The following ARL5A variants were observed in gnomAD, a reference collection of about 807,000 sequenced individuals.
The protein encoded by ARL5A is ARF like GTPase 5A, also known as ADP-ribosylation factor-like protein 5A.
ARL5A carries 18 observed loss-of-function variants against 25.9 expected under a neutral mutation model. The ratio of observed to expected loss-of-function variants is 0.69; its 90% CI spans 0.48 to 1.03. The LOEUF is 1.03. Among genes scored for constraint, ARL5A ranks in the 50% least tolerant of loss-of-function variants. The pLI, the probability that ARL5A is intolerant of heterozygous loss-of-function variation, is 0.00. For synonymous variants in ARL5A, 61 were observed against 67.5 expected (o/e 0.90, Z 0.47); for missense variants, 170 against 211.9 (o/e 0.80, Z 1.23).
intron 1 of ARL5A, chr2:151,827,398 ATATGG>A (rs1323383288): frequency 9.9e-5 from 15 of 152,270 alleles, no homozygotes; most frequent in African/African-American, 3.6e-4. Flanking sequence ...CAAATGTTTC[ATATGG>A]TATGTTTTTA....
At chr2:151,819,459 AT>A (rs201257589) in intron 1 of ARL5A, among the ~76,000 whole-genome samples, 1,524 of 151,726 alleles carry the variant, frequency 0.01, 24 homozygotes, top group African/African-American at 0.036. Flanking sequence ...AATGAGTGCC[AT>A]TTTTTTTTTG....
chr2:151,817,183 G>C (rs377072675), intron 1 of ARL5A, among the ~76,000 whole-genome samples: 32 of 152,216 alleles, frequency 2.1e-4, no homozygotes, highest in African/African-American at 7.0e-4. Context: ...CTCCATTTAG[G>C]GAATTAGACC....
Position 151,815,124 on chromosome 2 carries a change from AT to A in ARL5A, c.107+14del. The A allele has an allele frequency of 6.4e-7, 1 of 1,573,498 alleles. No homozygotes were observed. The highest frequency in any genetic ancestry group is 2.3e-5 in the East Asian group (1 of 44,300). ...AACTAGAAATAAAATAATTTTTAAAATAGTTAATACTTACAATTGGTAAAGA... is the reference window on the plus strand; with the variant it reads ...AACTAGAAATAAAATAATTTTTAAAAAGTTAATACTTACAATTGGTAAAGA... On this transcript the variant is annotated intron_variant, in intron 2 of 5. Coordinates refer to ENST00000295087, the MANE Select transcript of ARL5A (RefSeq NM_012097.4).
chr2:151,810,515 CT>C (rs921644860), intron 4 of ARL5A: 1 of 423,660 alleles, frequency 2.4e-6, no homozygotes, highest in Non-Finnish European at 4.8e-6. Context: ...CTCATTCAGT[CT>C]CCTTTCACTT....
chr2:151,815,052 A>T (rs2099831320), intron 2 of ARL5A, 87 bp downstream of exon 2: 16 of 999,556 alleles, frequency 1.6e-5, no homozygotes, highest in South Asian at 1.5e-4. Context: ...GTTTCATGTA[A>T]TTTCTTACTG....
chr2:151,798,905 A>C lies in ARL5A; in HGVS notation c.*4371T>G, dbSNP rs995914554. 3 of 152,118 alleles carry C rather than the reference A, an allele frequency of 2.0e-5. No individual in the cohort carries two copies. Among genetic ancestry groups the C allele is most frequent in the African/African-American group, 7.2e-5 (3 of 41,408 alleles). The allele number at this position is 152,118 out of a possible 1,614,324, so 9.4% of individuals were successfully genotyped here. ...TGGGAATTTTCTACCAAAGAACAGG[A>C]TATCTAGCAAGCAACAGCATAAAGA... On this transcript the variant is annotated 3_prime_UTR_variant, in exon 6 of 6. Transcript: ENST00000295087.
chr2:151,828,197 C>G lies in ARL5A; in HGVS notation c.-21G>C, dbSNP rs139927177. The G allele has an allele frequency of 6.0e-5, 97 of 1,605,468 alleles. No homozygotes were observed. The African/African-American group carries it at 9.0e-4, about 15-fold the overall frequency. ...CCCATTCTCGGGCAGCGGACCCCCC[C>G]CCTCCAGACACCCGGGCCGCCTGGC... On this transcript the variant is annotated 5_prime_UTR_variant, in exon 1 of 6. Transcript: ENST00000295087.
Position 151,819,125 on chromosome 2 carries a change from T to C in ARL5A, c.47-3926A>G, listed in dbSNP as rs917216516. 2.0e-5 allele frequency among the ~76,000 whole-genome samples: 3 copies of C among 152,184 alleles called. No homozygotes were observed. The East Asian group carries it at 5.8e-4, about 29-fold the overall frequency. ...AAAACATAGGCAAGAATCTATAATATATAACAATAAAGAATGACTAAAAAA... is the reference window on the plus strand; with the variant it reads ...AAAACATAGGCAAGAATCTATAATACATAACAATAAAGAATGACTAAAAAA... On this transcript the variant is annotated intron_variant, in intron 1 of 5. Coordinates refer to ENST00000295087, the MANE Select transcript of ARL5A (RefSeq NM_012097.4).
intron 1 of ARL5A, among the ~76,000 whole-genome samples, chr2:151,819,772 T>C (rs1333649170): frequency 6.6e-6 from 1 of 151,510 alleles, no homozygotes; most frequent in Non-Finnish European, 1.5e-5. Context: ...AAAAGACTCT[T>C]AGGCCAGGCA....
intron 1 of ARL5A, among the ~76,000 whole-genome samples, chr2:151,818,056 T>C (rs1243743617): frequency 6.6e-6 from 1 of 152,182 alleles, no homozygotes; most frequent in Admixed American, 6.5e-5. Flanking sequence ...TATCCCAGAA[T>C]AGACAGGACT....
chr2:151,813,399 C>T (rs1239439766), intron 3 of ARL5A, among the ~76,000 whole-genome samples: 1 of 152,092 alleles, frequency 6.6e-6, no homozygotes, highest in Non-Finnish European at 1.5e-5. Context: ...TGTTAATTTT[C>T]AGGCTGTTGG....
chr2:151,805,196 T>G (rs931426206), intron 5 of ARL5A, among the ~76,000 whole-genome samples: 6 of 149,310 alleles, frequency 4.0e-5, no homozygotes, highest in African/African-American at 1.5e-4. Flanking sequence ...TAATTGGTAT[T>G]ATCTGTGATT....
chr2:151,814,467 A>T (rs2099831242), intron 2 of ARL5A, 151 bp from the exon 3 acceptor site: 1 of 616,688 alleles, frequency 1.6e-6, no homozygotes, highest in East Asian at 3.1e-5. Context: ...GTGAGGGTTT[A>T]AACAGGGCTG....
rs1184375424 is a variant in ARL5A, at chr2:151,812,244, A to G, written c.339+113T>C. On this transcript the variant is annotated intron_variant, in intron 4 of 5. Transcript: ENST00000295087. Reference sequence around the variant, plus strand: ...AATTGAGCAGTGTGGCCCGCAAATAACTAATTATTTTTAAAAATTTGAAAT... The same window carrying G: ...AATTGAGCAGTGTGGCCCGCAAATAGCTAATTATTTTTAAAAATTTGAAAT... 3 of 632,560 alleles carry G rather than the reference A, an allele frequency of 4.7e-6. No homozygotes were observed. The African/African-American group carries it at 5.6e-5, about 12-fold the overall frequency. 39.2% of individuals were successfully genotyped at this position (632,560 alleles called of 1,614,324 possible).
chr2:151,813,872 A>G (rs555940295), intron 3 of ARL5A, among the ~76,000 whole-genome samples: 1 of 152,310 alleles, frequency 6.6e-6, no homozygotes, highest in Non-Finnish European at 1.5e-5. Context: ...ACATAAATAG[A>G]GAGAAATGAA....
chr2:151,828,328 G>C lies in ARL5A; in HGVS notation c.-152C>G. On this transcript the variant is annotated 5_prime_UTR_variant, in exon 1 of 6. Transcript: ENST00000295087. ...GCCCGCTTCCAGGGAACCGGAGGGA[G>C]GCCGAAGCCCAGGCCGCCCTGCCGC... 1.6e-6 allele frequency: 1 copy of C among 640,164 alleles called. No individual in the cohort carries two copies. The allele number at this position is 640,164 out of a possible 1,614,324, so 39.7% of individuals were successfully genotyped here.
At chr2:151,818,766 G>A (rs922329204) in intron 1 of ARL5A, among the ~76,000 whole-genome samples, 24 of 152,104 alleles carry the variant, frequency 1.6e-4, no homozygotes, top group African/African-American at 5.1e-4. Context: ...ATTAATACAC[G>A]CACTCATAAA....
In ARL5A at chr2:151,800,191, C is replaced by T. The variant is rs1481684842; in HGVS notation, c.*3085G>A. 2 of 152,096 alleles carry T rather than the reference C, an allele frequency of 1.3e-5. No individual in the cohort carries two copies. Among genetic ancestry groups the T allele is most frequent in the African/African-American group, 4.8e-5 (2 of 41,374 alleles). 9.4% of individuals were successfully genotyped at this position (152,096 alleles called of 1,614,324 possible). ...AAGTTGTCTATAGATTTTCTATTTA[C>T]ACTAATATAAACAGGTTTGGAGGTT... On this transcript the variant is annotated 3_prime_UTR_variant, in exon 6 of 6. Coordinates refer to ENST00000295087, the MANE Select transcript of ARL5A (RefSeq NM_012097.4).
At chr2:151,820,681 A>AAC (rs1553734197) in intron 1 of ARL5A, among the ~76,000 whole-genome samples, 3 of 151,014 alleles carry the variant, frequency 2.0e-5, no homozygotes, top group Admixed American at 1.3e-4. Flanking sequence ...AAAAAAAAAA[A>AAC]AAAACAGAAT....
Sources: allele counts gnomAD v4.1 joint callset (sites outside exome capture counted in the v4.1 genomes callset), GRCh38; gene constraint gnomAD v4.1.1; transcripts MANE v1.5; gene names NCBI Gene and HGNC (gene_info 2026-07-23, HGNC 2026-07-21).